BCKDHB: variants seen among roughly 807,000 people sequenced by gnomAD.
BCKDHB encodes 2-oxoisovalerate dehydrogenase subunit beta, mitochondrial.
Under a neutral mutation model 48.5 loss-of-function variants are expected in BCKDHB, and 41 were observed. The ratio of observed to expected loss-of-function variants is 0.85; its 90% CI spans 0.66 to 1.10. The LOEUF is 1.10. Among genes scored for constraint, BCKDHB ranks in the 50% least tolerant of loss-of-function variants. The pLI, the probability that BCKDHB is intolerant of heterozygous loss-of-function variation, is 0.00. For synonymous variants in BCKDHB, 201 were observed against 174.8 expected, an observed-to-expected ratio of 1.15 and a Z score of -1.18; for missense variants, 496 against 494.2, an observed-to-expected ratio of 1.00 and a Z score of -0.03.
chr6:80,254,885 A>T (rs1776985158), intron 8 of BCKDHB, among the ~76,000 whole-genome samples: 1 of 152,148 alleles, frequency 6.6e-6, no homozygotes. Context: ...GAGAGAACAC[A>T]TTTCTGTTAT....
intron 8 of BCKDHB, among the ~76,000 whole-genome samples, chr6:80,252,453 G>A (rs1182179118): frequency 6.6e-6 from 1 of 152,004 alleles, no homozygotes; most frequent in East Asian, 1.9e-4. Flanking sequence ...TCCATTCACT[G>A]GTGTCTTAGT....
intron 6 of BCKDHB, among the ~76,000 whole-genome samples, chr6:80,199,094 G>A (rs1368442226): frequency 6.6e-6 from 1 of 152,160 alleles, no homozygotes; most frequent in Non-Finnish European, 1.5e-5. Flanking sequence ...TGCTGTGGGT[G>A]CATTGGATTG....
At chr6:80,159,460 C>G (rs1029393168) in intron 3 of BCKDHB, among the ~76,000 whole-genome samples, 5 of 152,140 alleles carry the variant, frequency 3.3e-5, no homozygotes, top group Admixed American at 3.3e-4. Flanking sequence ...TGTCATTCTA[C>G]TTAGTAATTT....
chr6:80,429,565 G>T, the BCKDHB span, among the ~76,000 whole-genome samples: 1 of 152,124 alleles, frequency 6.6e-6, no homozygotes, highest in Non-Finnish European at 1.5e-5. Flanking sequence ...GTGGTTTGTA[G>T]TTCTCCTTGA....
chr6:80,460,797 T>A, the BCKDHB span, among the ~76,000 whole-genome samples: 1 of 152,162 alleles, frequency 6.6e-6, no homozygotes, highest in African/African-American at 2.4e-5. Flanking sequence ...AAGTGGACAC[T>A]TTTTAGACCT....
intron 8 of BCKDHB, among the ~76,000 whole-genome samples, chr6:80,214,279 C>T (rs1382283993): frequency 6.6e-6 from 1 of 152,116 alleles, no homozygotes; most frequent in East Asian, 1.9e-4. Context: ...GTGAATGGTG[C>T]AGAAGATGTT....
the BCKDHB span, among the ~76,000 whole-genome samples, chr6:80,364,974 G>A: frequency 4.7e-3 from 709 of 152,278 alleles, 6 homozygotes; most frequent in African/African-American, 0.013. Context: ...CGTGATGCCC[G>A]CCTGAGCCTC....
chr6:80,409,121 T>C, the BCKDHB span, among the ~76,000 whole-genome samples: 7 of 152,164 alleles, frequency 4.6e-5, no homozygotes, highest in Non-Finnish European at 1.0e-4. Context: ...TGCTTTCATT[T>C]CATTATTTAC....
the BCKDHB span, among the ~76,000 whole-genome samples, chr6:80,459,866 G>C: frequency 6.6e-6 from 1 of 152,070 alleles, no homozygotes; most frequent in African/African-American, 2.4e-5. Context: ...TCGATGATCT[G>C]AGTTATTCCA....
chr6:80,451,996 A>C, the BCKDHB span, among the ~76,000 whole-genome samples: 1 of 152,280 alleles, frequency 6.6e-6, no homozygotes, highest in African/African-American at 2.4e-5. Flanking sequence ...TTCCTTTCTT[A>C]TATTACAGTC....
At chr6:80,429,662 T>C in the BCKDHB span, among the ~76,000 whole-genome samples, 1 of 152,230 alleles carries the variant, frequency 6.6e-6, no homozygotes, top group African/African-American at 2.4e-5. Context: ...ACTCATGATT[T>C]GGCTCTGTTT....
the BCKDHB span, chr6:80,374,568 AT>A: frequency 1.5e-6 from 1 of 669,154 alleles, no homozygotes. Flanking sequence ...ATAGGGCACC[AT>A]TTTCACAGAT....
intron 9 of BCKDHB, among the ~76,000 whole-genome samples, chr6:80,292,204 T>A (rs1766956858): frequency 6.6e-6 from 1 of 152,188 alleles, no homozygotes; most frequent in Non-Finnish European, 1.5e-5. Context: ...TAAGTTTGAT[T>A]CCTCAAAGGA....
In BCKDHB at chr6:80,211,295, C is replaced by T. The variant is rs368785295; in HGVS notation, c.951+8083C>T. Among the ~76,000 whole-genome samples, 5 of 152,162 alleles carry T rather than the reference C, an allele frequency of 3.3e-5. No homozygotes were observed. In the East Asian group the frequency reaches 5.8e-4, roughly 18 times the overall value. On this transcript the variant is annotated intron_variant, in intron 8 of 9. Coordinates refer to ENST00000320393, the MANE Select transcript of BCKDHB (RefSeq NM_183050.4). ...AATGTATAAGAATTTGCCTTTATAC[C>T]GTACAGTCTTTTTAATTTATCTTTT... is the stretch of plus-strand genomic sequence containing the variant.
At chr6:80,129,609 C>T (rs974718217) in intron 3 of BCKDHB, among the ~76,000 whole-genome samples, 2 of 151,676 alleles carry the variant, frequency 1.3e-5, no homozygotes, top group East Asian at 1.9e-4. Flanking sequence ...TTTATCTTTT[C>T]GGGAAGAGAG....
chr6:80,410,726 G>T, the BCKDHB span, among the ~76,000 whole-genome samples: 22 of 152,172 alleles, frequency 1.4e-4, no homozygotes, highest in South Asian at 4.4e-3. Flanking sequence ...TCTTCCACTT[G>T]ATCGAATCAG....
At chr6:80,270,800 G>A (rs1396079415) in intron 8 of BCKDHB, among the ~76,000 whole-genome samples, 3 of 152,084 alleles carry the variant, frequency 2.0e-5, no homozygotes, top group African/African-American at 7.2e-5. Context: ...TGCGTTGTTA[G>A]TGTGCCTGTT....
chr6:80,410,646 T>A, the BCKDHB span, among the ~76,000 whole-genome samples: 1 of 152,254 alleles, frequency 6.6e-6, no homozygotes, highest in African/African-American at 2.4e-5. Flanking sequence ...TTCATTTCTT[T>A]CTACTCTTTT....
Position 80,252,290 on chromosome 6 carries a change from G to A in BCKDHB, c.952-20845G>A, listed in dbSNP as rs115771724. On this transcript the variant is annotated intron_variant, in intron 8 of 9. Transcript: ENST00000320393. ...GACTTATTTTTTTCTATCAAATGAT[G>A]TGGCAAATTGAGAGATTTCTGGAGA... 5.7e-3 allele frequency among the ~76,000 whole-genome samples: 864 copies of A among 152,290 alleles called. 11 individuals carry two copies. Among genetic ancestry groups the A allele is most frequent in the African/African-American group, 0.02 (820 of 41,554 alleles).
Sources: gnomAD v4.1 joint callset for allele counts (sites outside exome capture counted in the v4.1 genomes callset) on GRCh38, gnomAD v4.1.1 for gene constraint, MANE v1.5 for transcripts, NCBI Gene and HGNC (gene_info 2026-07-23, HGNC 2026-07-21) for gene names.